Variants in MARCHF8 observed in about 807,000 individuals in gnomAD.
MARCHF8 encodes E3 ubiquitin-protein ligase MARCHF8.
In MARCHF8, 40 loss-of-function variants were observed where a neutral mutation model predicts 51.6. That is an observed-to-expected ratio of 0.77 (90% CI 0.60 to 1.01). The LOEUF (loss-of-function observed/expected upper bound fraction) is 1.01. MARCHF8 is among the 50% of genes least tolerant of loss of function. The probability of loss-of-function intolerance (pLI) is 0.00; values close to 1 mark genes in which losing one functional copy is unlikely to be tolerated. For synonymous variants in MARCHF8, 263 were observed against 280.3 expected, an observed-to-expected ratio of 0.94 and a Z score of 0.62; for missense variants, 685 against 708.6, an observed-to-expected ratio of 0.97 and a Z score of 0.38.
At chr10:45,485,869 C>T (rs976991099) in intron 3 of MARCHF8, among the ~76,000 whole-genome samples, 11 of 152,112 alleles carry the variant, frequency 7.2e-5, no homozygotes, top group African/African-American at 2.4e-4. Context: ...CACATTGTGG[C>T]CTCCTTTAAT....
At chr10:45,485,535 C>T (rs1289460057) in intron 3 of MARCHF8, among the ~76,000 whole-genome samples, 1 of 152,218 alleles carries the variant, frequency 6.6e-6, no homozygotes, top group Non-Finnish European at 1.5e-5. Flanking sequence ...CAAGCCACCA[C>T]AGACCTAGCA....
At chr10:45,554,123 T>C (rs1456634086) in intron 1 of MARCHF8, among the ~76,000 whole-genome samples, 1 of 152,232 alleles carries the variant, frequency 6.6e-6, no homozygotes, top group Non-Finnish European at 1.5e-5. Context: ...GACATCCCTA[T>C]AGGAATCTAT....
intron 3 of MARCHF8, among the ~76,000 whole-genome samples, chr10:45,466,369 T>C (rs765762948): frequency 1.3e-5 from 2 of 152,218 alleles, no homozygotes; most frequent in Non-Finnish European, 2.9e-5. Context: ...CTAAAATGTG[T>C]CATGAAGACC....
chr10:45,480,383 T>C (rs774181309), intron 3 of MARCHF8, among the ~76,000 whole-genome samples: 1 of 152,126 alleles, frequency 6.6e-6, no homozygotes, highest in Non-Finnish European at 1.5e-5. Context: ...AAGAGCCAAA[T>C]GTTAATCACC....
intron 6 of MARCHF8, 151 bp from the exon 7 acceptor site, chr10:45,459,418 A>C (rs1589067106): frequency 4.3e-6 from 4 of 928,916 alleles, no homozygotes; most frequent in East Asian, 2.8e-5. Flanking sequence ...TCCTAAAACC[A>C]CTTGGCTTCA....
At chr10:45,522,907 G>GC (rs767168198) in intron 2 of MARCHF8, among the ~76,000 whole-genome samples, 2 of 151,988 alleles carry the variant, frequency 1.3e-5, no homozygotes, top group African/African-American at 2.4e-5. Context: ...CCAACACGTG[G>GC]CCCCCCAAGT....
chr10:45,569,064 CAAAAAA>C (rs71023131), intron 1 of MARCHF8, among the ~76,000 whole-genome samples: 14 of 64,414 alleles, frequency 2.2e-4, no homozygotes, highest in South Asian at 1.1e-3. Flanking sequence ...GACTCCATCT[CAAAAAA>C]AAAAAAAAAA....
At chr10:45,508,334 A>T (rs2043426496) in intron 2 of MARCHF8, among the ~76,000 whole-genome samples, 2 of 128,076 alleles carry the variant, frequency 1.6e-5, no homozygotes, top group East Asian at 2.3e-4. Flanking sequence ...CTTTCACAGT[A>T]AAAAAAAAAA....
upstream of MARCHF8, among the ~76,000 whole-genome samples, chr10:45,540,042 TA>T (rs1242092136): frequency 1.3e-5 from 2 of 152,082 alleles, no homozygotes; most frequent in African/African-American, 4.8e-5. Flanking sequence ...CTCAATGAAA[TA>T]AAAGAGGATA....
chr10:45,513,621 T>G, intron 2 of MARCHF8, among the ~76,000 whole-genome samples: 1 of 152,078 alleles, frequency 6.6e-6, no homozygotes, highest in East Asian at 1.9e-4. Context: ...TTTTCATCTT[T>G]GCTATTTGCA....
intron 3 of MARCHF8, among the ~76,000 whole-genome samples, chr10:45,488,963 T>C (rs1251815828): frequency 1.3e-5 from 2 of 152,198 alleles, no homozygotes; most frequent in Non-Finnish European, 2.9e-5. Flanking sequence ...TGTGATCAAC[T>C]CTGCCCTGGA....
intron 2 of MARCHF8, among the ~76,000 whole-genome samples, chr10:45,523,697 C>T (rs960082340): frequency 1.3e-5 from 2 of 152,192 alleles, no homozygotes; most frequent in Non-Finnish European, 2.9e-5. Context: ...TCAAGTCCTA[C>T]AGTGATACCT....
intron 1 of MARCHF8, among the ~76,000 whole-genome samples, chr10:45,551,391 T>A (rs900070203): frequency 5.9e-5 from 9 of 151,776 alleles, no homozygotes; most frequent in African/African-American, 1.9e-4. Flanking sequence ...GAGTTCAACA[T>A]TTTTTTTAGA....
chr10:45,524,728 G>C (rs1312762390), intron 2 of MARCHF8, among the ~76,000 whole-genome samples: 2 of 152,094 alleles, frequency 1.3e-5, no homozygotes, highest in East Asian at 3.8e-4. Context: ...GGCAGTTCCT[G>C]GAAGCAAAAA....
intron 3 of MARCHF8, among the ~76,000 whole-genome samples, chr10:45,476,948 T>C (rs1479393983): frequency 6.6e-6 from 1 of 152,076 alleles, no homozygotes; most frequent in Non-Finnish European, 1.5e-5. Context: ...AACAAAATAA[T>C]AGCTGCAAAC....
At chr10:45,573,667 C>T (rs1298797972) in intron 1 of MARCHF8, among the ~76,000 whole-genome samples, 2 of 152,174 alleles carry the variant, frequency 1.3e-5, no homozygotes, top group Non-Finnish European at 2.9e-5. Context: ...TTCTCAGCTT[C>T]GTGGCTAAAG....
At chr10:45,505,551 C>T (rs2133165264) in intron 2 of MARCHF8, among the ~76,000 whole-genome samples, 1 of 152,316 alleles carries the variant, frequency 6.6e-6, no homozygotes, top group South Asian at 2.1e-4. Context: ...CATTCTACCC[C>T]TACTTTTTCC....
At chr10:45,466,365 T>C (rs1842968511) in intron 3 of MARCHF8, among the ~76,000 whole-genome samples, 1 of 152,210 alleles carries the variant, frequency 6.6e-6, no homozygotes, top group South Asian at 2.1e-4. Context: ...AAGGCTAAAA[T>C]GTGTCATGAA....
At chr10:45,469,870 A>AAC (rs1843110113) in intron 3 of MARCHF8, among the ~76,000 whole-genome samples, 1 of 131,050 alleles carries the variant, frequency 7.6e-6, no homozygotes, top group Non-Finnish European at 1.7e-5. Flanking sequence ...GTCTCAAAAA[A>AAC]AAAAAAAAAA....
Sources: allele counts gnomAD v4.1 joint callset (sites outside exome capture counted in the v4.1 genomes callset), GRCh38; gene constraint gnomAD v4.1.1; transcripts MANE v1.5; gene names NCBI Gene and HGNC (gene_info 2026-07-23, HGNC 2026-07-21).